Variants in CCDC33 observed in about 807,000 individuals in gnomAD.
CCDC33 encodes coiled-coil domain containing 33.
In CCDC33, 94 loss-of-function variants were observed where a neutral mutation model predicts 91.9. The ratio of observed to expected loss-of-function variants is 1.02; its 90% confidence interval spans 0.87 to 1.21. The LOEUF is 1.21. Ranked by LOEUF, CCDC33 falls within the 50% of genes most tolerant of loss-of-function variation. CCDC33 has a pLI of 0.00. For missense variants in CCDC33, 940 were observed against 935.5 expected, an observed-to-expected ratio of 1.00 and a Z score of -0.06; for synonymous variants, 396 against 374.5, an observed-to-expected ratio of 1.06 and a Z score of -0.66.
At chr15:74,329,010 G>A (rs1207916353) in intron 11 of CCDC33, among the ~76,000 whole-genome samples, 1 of 152,136 alleles carries the variant, frequency 6.6e-6, no homozygotes, top group Non-Finnish European at 1.5e-5. Context: ...TTCACATCGA[G>A]GTTGCAGTGA....
chr15:74,272,673 C>A, intron 6 of CCDC33, 98 bp from the exon 7 acceptor site: 1 of 1,501,222 alleles, frequency 6.7e-7, no homozygotes, highest in South Asian at 1.3e-5. Context: ...CTGCAACTCC[C>A]TTCTCTTGCA....
intron 10 of CCDC33, among the ~76,000 whole-genome samples, chr15:74,283,184 GCAACAAACCC>G (rs1011988999): frequency 4.6e-5 from 7 of 152,180 alleles, no homozygotes; most frequent in African/African-American, 1.7e-4. Context: ...AAGGGTAGAA[GCAACAAACCC>G]CAAGAAAGAG....
intron 11 of CCDC33, among the ~76,000 whole-genome samples, chr15:74,317,278 A>G (rs550825640): frequency 2.1e-4 from 32 of 152,242 alleles, no homozygotes; most frequent in African/African-American, 7.7e-4. Flanking sequence ...GGAGAATGGC[A>G]TGAACCCGGG....
chr15:74,270,621 G>A (rs535943210), intron 5 of CCDC33, among the ~76,000 whole-genome samples: 24 of 152,270 alleles, frequency 1.6e-4, no homozygotes, highest in African/African-American at 5.3e-4. Flanking sequence ...AATGAGAGCC[G>A]AGTGGGAGGT....
intron 10 of CCDC33, among the ~76,000 whole-genome samples, chr15:74,285,051 C>T (rs1204048579): frequency 5.3e-5 from 8 of 152,266 alleles, no homozygotes; most frequent in African/African-American, 1.4e-4. Flanking sequence ...TCAGGCCCCT[C>T]GTTCACATGG....
intron 16 of CCDC33, chr15:74,333,398 A>G (rs931935213): frequency 1.9e-6 from 2 of 1,058,742 alleles, no homozygotes; most frequent in Admixed American, 2.0e-5. Flanking sequence ...CTTGCTTTAC[A>G]TAAACCCCAA....
In CCDC33 at chr15:74,229,396, G is replaced by T. The variant is rs141543581; in HGVS notation, c.675+10535G>T. On this transcript the variant is annotated intron_variant, in intron 2 of 2. Coordinates refer to the CCDC33 transcript ENST00000635913. ...TAATCCCAGCTACTTGGGAGGCCAAGGCGGGGGAATCGCTTGAACTTGGGA... is the reference window on the plus strand; with the variant it reads ...TAATCCCAGCTACTTGGGAGGCCAATGCGGGGGAATCGCTTGAACTTGGGA... 1.7e-3 allele frequency among the ~76,000 whole-genome samples: 254 copies of T among 152,332 alleles called. 2 individuals carry two copies. The highest frequency in any genetic ancestry group is 2.6e-3 in the Non-Finnish European group (177 of 68,036).
At position 74,244,433 on chromosome 15, in the gene CCDC33, C is replaced by T. The variant is rs2075453450; in HGVS notation, c.185+285C>T. 1.3e-5 allele frequency among the ~76,000 whole-genome samples: 2 copies of T among 152,088 alleles called. No homozygotes were observed. The highest frequency in any genetic ancestry group is 4.8e-5 in the African/African-American group (2 of 41,418). On this transcript the variant is annotated intron_variant, in intron 2 of 18. Coordinates refer to ENST00000398814, the MANE Select transcript of CCDC33 (RefSeq NM_025055.5). This position sits in a 1 kb window ranked among gnomAD's most constrained non-coding sequence, Gnocchi z 4.2. ...CAGCTCAGCTCCAGTGGGGCAGGTTCCTTGTATGCAAAAGTCTGGGCTGGG... is the reference window on the plus strand; with the variant it reads ...CAGCTCAGCTCCAGTGGGGCAGGTTTCTTGTATGCAAAAGTCTGGGCTGGG...
At chr15:74,242,021 T>A (rs351154) in intron 1 of CCDC33, among the ~76,000 whole-genome samples, 52,309 of 152,062 alleles carry the variant, frequency 0.34, 9,856 homozygotes, top group East Asian at 0.54. Flanking sequence ...AGGGGGTGTG[T>A]GGCTCCGATT....
chr15:74,218,044 C>G lies in CCDC33; in HGVS notation c.311-453C>G, dbSNP rs1001187858. Among the ~76,000 whole-genome samples, 4 of 151,818 alleles carry G rather than the reference C, an allele frequency of 2.6e-5. No individual in the cohort carries two copies. In the South Asian group the frequency reaches 8.3e-4, roughly 32 times the overall value. On this transcript the variant is annotated intron_variant, in intron 1 of 2. Coordinates refer to the CCDC33 transcript ENST00000635913. The surrounding 1 kb of genome is among the most constrained non-coding windows in gnomAD (Gnocchi z 4.8). ...TCCAGAGCAGGTGGAGAGGAAGGAA[C>G]TCCAAGCAGAGAAAAGTAAAGTGAG...
At chr15:74,310,535 CAAAAAAA>C (rs75401537) in intron 11 of CCDC33, among the ~76,000 whole-genome samples, 6 of 63,578 alleles carry the variant, frequency 9.4e-5, no homozygotes, top group Admixed American at 3.7e-4. Context: ...GACTCCATCT[CAAAAAAA>C]AAAAAAAAAA....
At chr15:74,289,935 C>T (rs1337020695) in intron 10 of CCDC33, among the ~76,000 whole-genome samples, 1 of 152,192 alleles carries the variant, frequency 6.6e-6, no homozygotes, top group Non-Finnish European at 1.5e-5. Context: ...CCTTCCCTTG[C>T]TCTGCTCTCC....
chr15:74,283,443 A>G (rs2059408847), intron 10 of CCDC33, among the ~76,000 whole-genome samples: 1 of 152,228 alleles, frequency 6.6e-6, no homozygotes, highest in Admixed American at 6.5e-5. Flanking sequence ...GCAGGTGGGC[A>G]GAACAGTTTC....
At chr15:74,217,262 C>G (rs2074468141) in exon 1 of CCDC33, 1 of 1,258,262 alleles carries the variant, frequency 7.9e-7, no homozygotes, top group Non-Finnish European at 1.0e-6. Flanking sequence ...CAGTTGGTCT[C>G]TCAGTGGCCA....
intron 13 of CCDC33, 24 bp downstream of exon 13, chr15:74,330,775 G>A: frequency 6.3e-7 from 1 of 1,599,000 alleles, no homozygotes; most frequent in East Asian, 2.2e-5. Flanking sequence ...TGTGGGGGCA[G>A]AGGGGAGGGA....
intron 7 of CCDC33, among the ~76,000 whole-genome samples, chr15:74,277,881 C>T (rs1213373293): frequency 6.6e-6 from 1 of 152,212 alleles, no homozygotes. Context: ...ACTAAATAAC[C>T]CTCTTCCAGG....
At position 74,330,759 on chromosome 15, in the gene CCDC33, G is replaced by A. The variant is rs1358188150; in HGVS notation, c.1545+8G>A. On this transcript the variant is annotated splice_region_variant and intron_variant, in intron 13 of 18. Coordinates refer to ENST00000398814, the MANE Select transcript of CCDC33 (RefSeq NM_025055.5). ...CAGAATGAGCTGATTCGAGTGAGCT[G>A]GGGCTTGTGGGGGCAGAGGGGAGGG... 19 of 1,610,206 alleles carry A rather than the reference G, an allele frequency of 1.2e-5. No homozygotes were observed. Among genetic ancestry groups the A allele is most frequent in the Admixed American group, 3.3e-5 (2 of 59,992 alleles).
intron 18 of CCDC33, 46 bp downstream of exon 18, chr15:74,335,134 G>A: frequency 6.9e-7 from 1 of 1,455,698 alleles, no homozygotes. Context: ...AGGTGGTGGA[G>A]CAGGAAGCCA....
intron 2 of CCDC33, among the ~76,000 whole-genome samples, chr15:74,252,092 A>T (rs1342481180): frequency 6.6e-6 from 1 of 152,200 alleles, no homozygotes; most frequent in Non-Finnish European, 1.5e-5. Context: ...AGGAGGATGC[A>T]GGATCCAGGA....
Sources: gnomAD v4.1 joint callset for allele counts (sites outside exome capture counted in the v4.1 genomes callset) on GRCh38, gnomAD v4.1.1 for gene constraint, Gnocchi (gnomAD v3.1) non-coding constraint, MANE v1.5 for transcripts, NCBI Gene and HGNC (gene_info 2026-07-23, HGNC 2026-07-21) for gene names.